MROH2B: variants seen among roughly 807,000 people sequenced by gnomAD.
MROH2B encodes maestro heat like repeat family member 2B, also known as maestro heat-like repeat-containing protein family member 2B.
A neutral mutation model predicts 208.6 loss-of-function variants in MROH2B; 177 were observed. The observed-to-expected ratio is 0.85, with a 90% confidence interval of 0.75 to 0.96. The LOEUF (loss-of-function observed/expected upper bound fraction) is 0.96, where lower values mean the gene tolerates loss of function less well. Ranked by LOEUF, MROH2B falls within the 40% of genes least tolerant of loss-of-function variation. The pLI, the probability that MROH2B is intolerant of heterozygous loss-of-function variation, is 0.00. For missense variants in MROH2B, 2,002 were observed against 1,878.7 expected (o/e 1.07, Z -1.21); for synonymous variants, 728 against 659.0 (o/e 1.10, Z -1.60).
intron 11 of MROH2B, among the ~76,000 whole-genome samples, chr5:41,053,651 C>A (rs1743353948): frequency 6.6e-6 from 1 of 152,048 alleles, no homozygotes. Context: ...AGAGGTACAC[C>A]TTTTCTCTAT....
chr5:41,063,700 A>T (rs1056593615), intron 5 of MROH2B, among the ~76,000 whole-genome samples: 1 of 152,162 alleles, frequency 6.6e-6, no homozygotes, highest in Non-Finnish European at 1.5e-5. Context: ...CGTAGCAATC[A>T]CTTATTCTGA....
Position 41,007,304 on chromosome 5 carries a change from T to C in MROH2B, c.3749+10A>G, listed in dbSNP as rs1163373963. Reference sequence around the variant, plus strand: ...TCTTTGTATCTGGTTCTAGAAAAAGTGCACATTACCTGGCCAGTGAACATA... The same window carrying C: ...TCTTTGTATCTGGTTCTAGAAAAAGCGCACATTACCTGGCCAGTGAACATA... On this transcript the variant is annotated intron_variant, in intron 34 of 41. Coordinates refer to ENST00000399564, the MANE Select transcript of MROH2B (RefSeq NM_173489.5). 1 of 1,366,510 alleles carries C rather than the reference T, an allele frequency of 7.3e-7. No homozygotes were observed. Among genetic ancestry groups the C allele is most frequent in the Admixed American group, 3.5e-5 (1 of 28,528 alleles). 84.6% of individuals were successfully genotyped at this position (1,366,510 alleles called of 1,614,324 possible).
chr5:40,999,778 G>T lies in MROH2B; in HGVS notation c.4484C>A (p.Ala1495Asp). 6.2e-7 allele frequency: 1 copy of T among 1,612,058 alleles called. No individual in the cohort carries two copies. Among genetic ancestry groups the T allele is most frequent in the Non-Finnish European group, 8.5e-7 (1 of 1,178,748 alleles). ...DFYRQFCVKL[A>D]KKNQEILWIL... is the part of the protein sequence containing the mutation. ...CCACAGAATTTCCTGGTTTTTCTTG[G>T]CCTAGAAGAGATGTGAATTTCAAAG... Residue 1495 changes from alanine (A) to aspartate (D), a missense_variant and splice_region_variant, in exon 40 of 42, where the codon GCC (alanine) becomes GAC (aspartate). By Grantham distance (126) the Ala-to-Asp change is moderately radical (BLOSUM62 -2). Transcript: ENST00000399564.
chr5:41,061,640 A>G lies in MROH2B; in HGVS notation c.545T>C (p.Leu182Pro). 6.2e-7 allele frequency: 1 copy of G among 1,613,974 alleles called. No individual in the cohort carries two copies. The highest frequency in any genetic ancestry group is 8.5e-7 in the Non-Finnish European group (1 of 1,179,848). Residue 182 changes from leucine to proline, a missense_variant, in exon 6 of 42, where the codon CTG becomes CCG. Coordinates refer to ENST00000399564, the MANE Select transcript of MROH2B (RefSeq NM_173489.5). ...GAACAGCATGAAGATCTTGTCAGAC[A>G]GTCGGTTGGCATCCAGTCTGGGGTA... is the stretch of plus-strand genomic sequence containing the variant. ...FPYPRLDANRLSDKIFMLFWY... is the reference protein window; with the variant it reads ...FPYPRLDANRPSDKIFMLFWY...
intron 2 of MROH2B, among the ~76,000 whole-genome samples, chr5:41,068,304 A>T (rs939053039): frequency 1.3e-5 from 2 of 152,088 alleles, no homozygotes; most frequent in Non-Finnish European, 2.9e-5. Context: ...TATCTCTGTG[A>T]GTCCTTTTCT....
Position 41,065,427 on chromosome 5 carries a change from T to C in MROH2B, c.265A>G (p.Asn89Asp), listed in dbSNP as rs1248547445. ...VLVSLAAHDF[N>D]SVMYEVQSNF... is the part of the protein sequence containing the mutation. The stretch of plus-strand genomic sequence containing the variant: ...CTTTGTACTTCATACATCACAGAGT[T>C]GAAATCATGTGCAGCAAGAGACACC... Residue 89 changes from asparagine (N) to aspartate (D), a missense_variant, in exon 4 of 42, where the codon AAC becomes GAC. Asn to Asp is a conservative substitution (Grantham distance 23). Coordinates refer to ENST00000399564, the MANE Select transcript of MROH2B (RefSeq NM_173489.5). The C allele has an allele frequency of 1.2e-6, 2 of 1,613,578 alleles. No homozygotes were observed. The highest frequency in any genetic ancestry group is 1.7e-6 in the Non-Finnish European group (2 of 1,179,682).
chr5:41,005,142 T>A, intron 35 of MROH2B: 1 of 573,820 alleles, frequency 1.7e-6, no homozygotes, highest in Non-Finnish European at 3.0e-6. Context: ...GTTACCTGCA[T>A]AACAGATGTC....
rs755274522 is a variant in MROH2B, at chr5:41,070,963, C to G, written c.-111G>C. 1.9e-4 allele frequency: 213 copies of G among 1,093,578 alleles called. 1 individual carries two copies. Among genetic ancestry groups the G allele is most frequent in the Middle Eastern group, 4.2e-4 (2 of 4,806 alleles). The allele number at this position is 1,093,578 out of a possible 1,614,324, so 67.7% of individuals were successfully genotyped here. ...GTTTCTCATATAAGGTTCACATAAG[C>G]CTCTCTAAATGAAAGTGCCTCCTCC... On this transcript the variant is annotated 5_prime_UTR_variant, in exon 1 of 42. Transcript: ENST00000399564.
At chr5:41,011,642 T>C (rs1741777054) in intron 30 of MROH2B, among the ~76,000 whole-genome samples, 1 of 151,788 alleles carries the variant, frequency 6.6e-6, no homozygotes. Context: ...TTTGAGTTGC[T>C]TTCATTTAGT....
At chr5:41,022,909 C>G (rs190773896) in intron 24 of MROH2B, among the ~76,000 whole-genome samples, 2 of 151,076 alleles carry the variant, frequency 1.3e-5, no homozygotes, top group East Asian at 1.9e-4. Context: ...CTGCAGCCTC[C>G]GCTGCTGATA....
chr5:41,006,402 A>G (rs1244231575), intron 34 of MROH2B, among the ~76,000 whole-genome samples: 3 of 152,248 alleles, frequency 2.0e-5, no homozygotes, highest in African/African-American at 7.2e-5. Flanking sequence ...AATGCAAACT[A>G]GTACAACCAC....
At position 41,009,289 on chromosome 5, in the gene MROH2B, CTCAACCCTGGCGATG is replaced by C. The variant is rs1177744943; in HGVS notation, c.3396_3410del (p.Asp1132_Val1136del). ...AGGCTGTCCAACTCACTGAAATTGCCTCAACCCTGGCGATGTCATCTTCTAACTCAGTCTCCAGTT... is the reference window on the plus strand; with the variant it reads ...AGGCTGTCCAACTCACTGAAATTGCCTCATCTTCTAACTCAGTCTCCAGTT... On this transcript the variant is annotated inframe_deletion, in exon 32 of 42. Transcript: ENST00000399564. The C allele has an allele frequency of 9.3e-6, 15 of 1,613,838 alleles. No homozygotes were observed. The highest frequency in any genetic ancestry group is 1.3e-5 in the Non-Finnish European group (15 of 1,179,772).
At chr5:41,028,580 G>C (rs970574602) in intron 24 of MROH2B, among the ~76,000 whole-genome samples, 3 of 151,876 alleles carry the variant, frequency 2.0e-5, no homozygotes, top group Non-Finnish European at 2.9e-5. Context: ...TTCTGTGTCT[G>C]GCTTATTTTA....
rs779449833 is a variant in MROH2B, at chr5:41,009,360, T to C, written c.3340A>G (p.Ser1114Gly). Residue 1114 changes from serine (S) to glycine (G), a missense_variant, in exon 32 of 42, where the codon AGT becomes GGT. Transcript: ENST00000399564. ...ATTAAGGCTTGCAAGAGTTTCCCAC[T>C]GGAGGCTGGCTTTTCAGCCAGCGCC... ...WKALAEKPAS[S>G]GKLLQALIDK... 4 of 1,613,840 alleles carry C rather than the reference T, an allele frequency of 2.5e-6. No homozygotes were observed. The highest frequency in any genetic ancestry group is 2.2e-5 in the South Asian group (2 of 91,094).
chr5:41,038,843 C>A lies in MROH2B; in HGVS notation c.2107G>T (p.Val703Phe), dbSNP rs564532465. The change falls in exon 21 of 42, where the codon GTC (valine) becomes TTC (phenylalanine). Residue 703 changes from valine (V) to phenylalanine (F), a missense_variant. Transcript: ENST00000399564. The stretch of plus-strand genomic sequence containing the variant: ...TGGAGGGCCACTGCTCCATAGATGA[C>A]CATGACATCTGTCTTGGTCAGGCTC... ...KKSLTKTDVM[V>F]IYGAVALHAP... 1.3e-5 allele frequency: 21 copies of A among 1,613,498 alleles called. No individual in the cohort carries two copies. The highest frequency in any genetic ancestry group is 6.6e-5 in the South Asian group (6 of 91,022).
At chr5:41,053,036 G>C (rs1319191588) in intron 11 of MROH2B, among the ~76,000 whole-genome samples, 1 of 152,100 alleles carries the variant, frequency 6.6e-6, no homozygotes, top group Non-Finnish European at 1.5e-5. Flanking sequence ...GCTCTCTTTA[G>C]CCAAAATCTT....
chr5:41,045,896 A>AT, intron 17 of MROH2B, 43 bp from the exon 18 acceptor site: 1 of 1,408,336 alleles, frequency 7.1e-7, no homozygotes, highest in African/African-American at 1.4e-5. Flanking sequence ...TGACCGTTTC[A>AT]TGTGCTTTCT....
intron 37 of MROH2B, among the ~76,000 whole-genome samples, chr5:41,002,539 A>C (rs1431864819): frequency 6.6e-6 from 1 of 152,264 alleles, no homozygotes; most frequent in Non-Finnish European, 1.5e-5. Context: ...GCTATGCTTA[A>C]TCTACATAAA....
intron 24 of MROH2B, among the ~76,000 whole-genome samples, chr5:41,027,191 A>G (rs1331599406): frequency 1.3e-5 from 2 of 152,238 alleles, no homozygotes; most frequent in African/African-American, 4.8e-5. Context: ...GACAAATGGG[A>G]TCTAGTTAAA....
Sources: allele counts gnomAD v4.1 joint callset (sites outside exome capture counted in the v4.1 genomes callset), GRCh38; gene constraint gnomAD v4.1.1; transcripts MANE v1.5; gene names NCBI Gene and HGNC (gene_info 2026-07-23, HGNC 2026-07-21).